SLC41A3: variants seen among roughly 807,000 people sequenced by gnomAD.
SLC41A3 encodes SLC41A1-like 2.
SLC41A3 carries 44 observed loss-of-function variants against 45.4 expected under a neutral mutation model. The ratio of observed to expected loss-of-function variants is 0.97; its 90% CI spans 0.76 to 1.25. SLC41A3 has a LOEUF of 1.25. Among genes scored for constraint, SLC41A3 ranks in the 50% most tolerant of loss-of-function variants. The pLI is 0.00. For synonymous variants in SLC41A3, 256 were observed against 252.4 expected (o/e 1.01, Z -0.13); for missense variants, 550 against 600.6 (o/e 0.92, Z 0.88).
intron 1 of SLC41A3, chr3:126,083,789 G>A (rs1424332278): frequency 6.6e-6 from 1 of 151,832 alleles, no homozygotes; most frequent in Non-Finnish European, 1.5e-5. Context: ...CAGCGCCTGG[G>A]TTCTCTCCCG....
At chr3:126,073,588 AAAAT>A (rs762332811) in intron 1 of SLC41A3, among the ~76,000 whole-genome samples, 2 of 152,244 alleles carry the variant, frequency 1.3e-5, no homozygotes, top group African/African-American at 2.4e-5. Flanking sequence ...TAAACGTTAA[AAAAT>A]AAATAAAGCT....
At chr3:126,046,820 G>C (rs1942990844) in intron 3 of SLC41A3, among the ~76,000 whole-genome samples, 1 of 152,026 alleles carries the variant, frequency 6.6e-6, no homozygotes, top group African/African-American at 2.4e-5. Flanking sequence ...AAATTAGCCA[G>C]GCATGGTGGC....
intron 2 of SLC41A3, among the ~76,000 whole-genome samples, chr3:126,053,712 T>G (rs1442064784): frequency 6.6e-6 from 1 of 152,202 alleles, no homozygotes; most frequent in Non-Finnish European, 1.5e-5. Flanking sequence ...TGGGCTTGTG[T>G]GGGTGCCTCC....
intron 2 of SLC41A3, among the ~76,000 whole-genome samples, chr3:126,054,652 G>A (rs1943545191): frequency 7.7e-6 from 1 of 130,148 alleles, no homozygotes; most frequent in Non-Finnish European, 1.7e-5. Context: ...CCTGGAAATT[G>A]CTACATTACC....
chr3:126,055,489 G>T (rs1341240756), intron 2 of SLC41A3, among the ~76,000 whole-genome samples: 1 of 152,152 alleles, frequency 6.6e-6, no homozygotes, highest in Admixed American at 6.5e-5. Flanking sequence ...ATTCCAGCCT[G>T]GGCGACAGGG....
At position 126,096,585 on chromosome 3, in the gene SLC41A3, C is replaced by A. The variant is rs926571608; in HGVS notation, c.-79+4844G>T. ...GGCGTTCTTAAACCACAAACGATAGCATGAGCAATCTGTGCCTTAAGGGCA... is the reference window on the plus strand; with the variant it reads ...GGCGTTCTTAAACCACAAACGATAGAATGAGCAATCTGTGCCTTAAGGGCA... On this transcript the variant is annotated intron_variant, in intron 1 of 9. Transcript: ENST00000508835. 5.9e-4 allele frequency among the ~76,000 whole-genome samples: 90 copies of A among 152,272 alleles called. 7 individuals carry two copies. Among genetic ancestry groups the A allele is most frequent in the Non-Finnish European group, 1.5e-5 (1 of 68,050 alleles).
At chr3:126,070,947 G>T (rs539192140) in intron 1 of SLC41A3, among the ~76,000 whole-genome samples, 1 of 151,792 alleles carries the variant, frequency 6.6e-6, no homozygotes, top group South Asian at 2.1e-4. Flanking sequence ...ATCCAAACAC[G>T]ATTATTATAA....
At chr3:126,022,033 A>C (rs931253456) in intron 6 of SLC41A3, among the ~76,000 whole-genome samples, 3 of 152,234 alleles carry the variant, frequency 2.0e-5, no homozygotes, top group African/African-American at 7.2e-5. Context: ...GCGTGACTGA[A>C]GCAAACAACA....
At chr3:126,079,226 A>C (rs1559890207) in intron 1 of SLC41A3, among the ~76,000 whole-genome samples, 1 of 137,234 alleles carries the variant, frequency 7.3e-6, no homozygotes, top group Non-Finnish European at 1.6e-5. Flanking sequence ...ACACACACAC[A>C]CACACACACA....
intron 6 of SLC41A3, among the ~76,000 whole-genome samples, chr3:126,022,544 A>G (rs1365323422): frequency 6.6e-6 from 1 of 152,232 alleles, no homozygotes; most frequent in Non-Finnish European, 1.5e-5. Context: ...TAAAGCCACC[A>G]GTCCCACTCC....
At chr3:126,056,360 G>A in intron 2 of SLC41A3, 1 of 1,613,900 alleles carries the variant, frequency 6.2e-7, no homozygotes, top group Non-Finnish European at 8.5e-7. Flanking sequence ...GTACGCACTT[G>A]AATGGTGTTC....
chr3:126,072,162 AC>A (rs1225751070), intron 1 of SLC41A3, among the ~76,000 whole-genome samples: 1 of 152,172 alleles, frequency 6.6e-6, no homozygotes, highest in African/African-American at 2.4e-5. Flanking sequence ...TGAAAATACA[AC>A]ATGCCAAAAA....
chr3:126,080,015 A>G (rs893710402), intron 1 of SLC41A3, among the ~76,000 whole-genome samples: 2 of 152,224 alleles, frequency 1.3e-5, no homozygotes, highest in Admixed American at 6.5e-5. Flanking sequence ...CAGGATATCC[A>G]TATACAGAAG....
At chr3:126,007,866 G>A (rs1329396124) in intron 10 of SLC41A3, among the ~76,000 whole-genome samples, 4 of 152,166 alleles carry the variant, frequency 2.6e-5, no homozygotes, top group Non-Finnish European at 4.4e-5. Flanking sequence ...CAGCGCCCAC[G>A]GTGCTCCCTG....
chr3:126,066,674 A>G (rs781399105), intron 2 of SLC41A3, among the ~76,000 whole-genome samples: 2 of 152,194 alleles, frequency 1.3e-5, no homozygotes, highest in South Asian at 4.1e-4. Context: ...GTTATAGGAA[A>G]TAGTCACAAA....
intron 3 of SLC41A3, among the ~76,000 whole-genome samples, chr3:126,043,811 A>C (rs1942754566): frequency 7.0e-6 from 1 of 143,742 alleles, no homozygotes; most frequent in Non-Finnish European, 1.5e-5. Flanking sequence ...TGCAAAAAAA[A>C]ACAAAAAAAC....
chr3:126,009,203 G>C (rs942333674), intron 9 of SLC41A3, among the ~76,000 whole-genome samples: 5 of 152,254 alleles, frequency 3.3e-5, no homozygotes, highest in African/African-American at 1.2e-4. Flanking sequence ...GTTTATCAGT[G>C]GGGATGAGCT....
rs868703024 is a variant in SLC41A3, at chr3:126,023,158, T to G, written c.599-226A>C. 8 of 568,392 alleles carry G rather than the reference T, an allele frequency of 1.4e-5. No homozygotes were observed. The Middle Eastern group carries it at 1.9e-3, about 135-fold the overall frequency. The allele number at this position is 568,392 out of a possible 1,614,324, so 35.2% of individuals were successfully genotyped here. ...GGAGGCCTGAGAAGGCTGGGAGAGT[T>G]GGACTCCACTTTGTGACCTGTGCAC... On this transcript the variant is annotated intron_variant, in intron 5 of 10. Coordinates refer to ENST00000360370, the MANE Select transcript of SLC41A3 (RefSeq NM_017836.4).
At chr3:126,086,707 A>G (rs555951547), upstream of SLC41A3, among the ~76,000 whole-genome samples, 28 of 152,160 alleles carry the variant, frequency 1.8e-4, no homozygotes, top group African/African-American at 6.3e-4. Flanking sequence ...CAAATGTAGG[A>G]CTATTTAGCT....
Sources: gnomAD v4.1 joint callset for allele counts (sites outside exome capture counted in the v4.1 genomes callset) on GRCh38, gnomAD v4.1.1 for gene constraint, MANE v1.5 for transcripts, NCBI Gene and HGNC (gene_info 2026-07-23, HGNC 2026-07-21) for gene names.